DENND6B: variants seen among roughly 807,000 people sequenced by gnomAD.
DENND6B encodes the protein DENN domain containing 6B, also known as protein DENND6B.
In DENND6B, 73 loss-of-function variants were observed where a neutral mutation model predicts 85.1. That is an observed-to-expected ratio of 0.86 (90% CI 0.71 to 1.04). DENND6B has a LOEUF of 1.04. Among genes scored for constraint, DENND6B ranks in the 50% least tolerant of loss-of-function variants. The pLI is 0.00. For missense variants in DENND6B, 715 were observed against 785.8 expected, an observed-to-expected ratio of 0.91 and a Z score of 1.08; for synonymous variants, 357 against 329.3, an observed-to-expected ratio of 1.08 and a Z score of -0.91.
rs765859529 is a variant in DENND6B, at chr22:50,312,279, G to A, written c.1636-18C>T. On this transcript the variant is annotated intron_variant, in intron 19 of 19. Transcript: ENST00000413817. ...GCCCGCACCTGGAGGGGCAGCCATGGTCAGGGCAGGCGCAGCTCCGTGCCA... is the reference window on the plus strand; with the variant it reads ...GCCCGCACCTGGAGGGGCAGCCATGATCAGGGCAGGCGCAGCTCCGTGCCA... 9 of 1,611,884 alleles carry A rather than the reference G, an allele frequency of 5.6e-6. No individual in the cohort carries two copies. The highest frequency in any genetic ancestry group is 7.6e-6 in the Non-Finnish European group (9 of 1,179,536).
At position 50,313,794 on chromosome 22, in the gene DENND6B, C is replaced by T. The variant is rs1306608614; in HGVS notation, c.1203+20G>A. 1.9e-6 allele frequency: 3 copies of T among 1,611,576 alleles called. No homozygotes were observed. Among genetic ancestry groups the T allele is most frequent in the African/African-American group, 1.3e-5 (1 of 74,868 alleles). ...ACCAGGCTCCCTGCGTCCCCAGCCC[C>T]TGCCCCACAAACCATATACCTTGAG... On this transcript the variant is annotated intron_variant, in intron 14 of 19. Coordinates refer to ENST00000413817, the MANE Select transcript of DENND6B (RefSeq NM_001001794.4).
chr22:50,326,943 G>A lies in DENND6B; in HGVS notation c.46C>T (p.Leu16=). Residue 16 remains leucine (L), a synonymous_variant, in exon 1 of 20, where the codon CTG becomes TTG. Transcript: ENST00000413817. ...GTGPRRARGC[L]GAAGPTSSGR... is the part of the protein sequence containing the mutation. Reference sequence around the variant, plus strand: ...GAAGACGTGGGTCCAGCCGCGCCCAGGCAGCCGCGAGCCCGGCGAGGCCCT... The same window carrying A: ...GAAGACGTGGGTCCAGCCGCGCCCAAGCAGCCGCGAGCCCGGCGAGGCCCT... The A allele has an allele frequency of 1.6e-6, 2 of 1,289,610 alleles. No homozygotes were observed. The highest frequency in any genetic ancestry group is 4.7e-5 in the South Asian group (2 of 42,212). 79.9% of individuals were successfully genotyped at this position (1,289,610 alleles called of 1,614,324 possible). A position where few individuals can be genotyped will look rare whatever the true frequency, so the allele number is the denominator to read the frequency against.
At chr22:50,316,681 G>A in intron 5 of DENND6B, 1 of 1,493,542 alleles carries the variant, frequency 6.7e-7, no homozygotes, top group Non-Finnish European at 8.9e-7. Context: ...TGAACTCCCT[G>A]GGTGGCGGCC....
chr22:50,320,275 A>G (rs1341060351), intron 1 of DENND6B, among the ~76,000 whole-genome samples: 1 of 152,208 alleles, frequency 6.6e-6, no homozygotes, highest in Non-Finnish European at 1.5e-5. Flanking sequence ...CTGGAGCGCA[A>G]TGGCACAATC....
In DENND6B at chr22:50,313,855, G is replaced by A. The variant is rs747945924; in HGVS notation, c.1162C>T (p.His388Tyr). 2 of 1,611,428 alleles carry A rather than the reference G, an allele frequency of 1.2e-6. No homozygotes were observed. Among genetic ancestry groups the A allele is most frequent in the African/African-American group, 2.7e-5 (2 of 74,846 alleles). ...KPGLYTAYTA[H>Y]LHRDKALLKR... ...AGCAGCGCCTTGTCGCGGTGGAGGT[G>A]GGCCGTGTAAGCGGTGTAGAGGCCT... is the stretch of plus-strand genomic sequence containing the variant. The change falls in exon 14 of 20, where the codon CAC becomes TAC. Residue 388 changes from histidine to tyrosine, a missense_variant. Physicochemically the swap from His to Tyr is moderately conservative, Grantham distance 83. Coordinates refer to ENST00000413817, the MANE Select transcript of DENND6B (RefSeq NM_001001794.4).
Position 50,314,260 on chromosome 22 carries a change from TTAG to T in DENND6B, c.1082_1084del (p.Pro361_Lys362delinsGln), listed in dbSNP as rs1304727412. ...TGAAGGCTTTTTCAGCTTGACTTGCTTAGGCAGGTCTCCTACGAGACACGCCCG... is the reference window on the plus strand; with the variant it reads ...TGAAGGCTTTTTCAGCTTGACTTGCTGCAGGTCTCCTACGAGACACGCCCG... On this transcript the variant is annotated inframe_deletion, in exon 13 of 20. Coordinates refer to ENST00000413817, the MANE Select transcript of DENND6B (RefSeq NM_001001794.4). 2 of 1,609,728 alleles carry T rather than the reference TTAG, an allele frequency of 1.2e-6. No individual in the cohort carries two copies. Among genetic ancestry groups the T allele is most frequent in the Non-Finnish European group, 1.7e-6 (2 of 1,179,322 alleles).
chr22:50,316,005 A>G lies in DENND6B; in HGVS notation c.702+20T>C, dbSNP rs2041800062. 6.2e-7 allele frequency: 1 copy of G among 1,612,336 alleles called. No homozygotes were observed. ...GGTGAAGCCCAGCTGTTTCAGCTCCACCTCCGCCTCAGCTCCCACCTCTTG... is the reference window on the plus strand; with the variant it reads ...GGTGAAGCCCAGCTGTTTCAGCTCCGCCTCCGCCTCAGCTCCCACCTCTTG... On this transcript the variant is annotated intron_variant, in intron 8 of 19. Transcript: ENST00000413817.
Position 50,312,629 on chromosome 22 carries a change from T to C in DENND6B, c.1458-4A>G, listed in dbSNP as rs2068085534. The C allele has an allele frequency of 1.9e-6, 3 of 1,564,078 alleles. No homozygotes were observed. The highest frequency in any genetic ancestry group is 2.6e-6 in the Non-Finnish European group (3 of 1,155,604). On this transcript the variant is annotated splice_region_variant and splice_polypyrimidine_tract_variant and intron_variant, in intron 17 of 19. Transcript: ENST00000413817. ...ATGGGGGGACTTGAAAAACCGCCTG[T>C]GGGGATTAACAGGCGGGGGGCCATG...
rs757931915 is a variant in DENND6B, at chr22:50,316,068, A to G, written c.659T>C (p.Val220Ala). 1.9e-6 allele frequency: 3 copies of G among 1,612,584 alleles called. No homozygotes were observed. Among genetic ancestry groups the G allele is most frequent in the East Asian group, 2.2e-5 (1 of 44,882 alleles). ...VVVQVRIPSR[V>A]DKSESSPPKQ... ...CGGAGGACTGGACTCGGACTTGTCC[A>G]CCCTGGATGGGATGCGCACCTGGGA... is the stretch of plus-strand genomic sequence containing the variant. Residue 220 changes from valine to alanine, a missense_variant, in exon 8 of 20, where the codon GTG (valine) becomes GCG (alanine). Val to Ala is a moderately conservative substitution (Grantham distance 64). Transcript: ENST00000413817.
chr22:50,319,278 A>G, intron 1 of DENND6B: 1 of 985,026 alleles, frequency 1.0e-6, no homozygotes, highest in Non-Finnish European at 1.2e-6. Context: ...ACCCGCTCCT[A>G]TCTCTGACCT....
Position 50,326,880 on chromosome 22 carries a change from G to A in DENND6B, c.109C>T (p.Arg37Cys), listed in dbSNP as rs1328190217. Residue 37 changes from arginine (R) to cysteine (C), a missense_variant, in exon 1 of 20, where the codon CGC becomes TGC. Physicochemically the swap from Arg to Cys is radical, Grantham distance 180. Transcript: ENST00000413817. ...AARTPAAPWA[R>C]FSAWLECVCV... Reference sequence around the variant, plus strand: ...ACACACTCCAGCCAGGCGGAGAAGCGCGCCCAGGGCGCCGCCGGGGTCCGC... The same window carrying A: ...ACACACTCCAGCCAGGCGGAGAAGCACGCCCAGGGCGCCGCCGGGGTCCGC... The A allele has an allele frequency of 2.1e-6, 3 of 1,415,754 alleles. No individual in the cohort carries two copies. Among genetic ancestry groups the A allele is most frequent in the Non-Finnish European group, 1.8e-6 (2 of 1,085,394 alleles). The allele number at this position is 1,415,754 out of a possible 1,614,324, so 87.7% of individuals were successfully genotyped here. A position where few individuals can be genotyped will look rare whatever the true frequency, so the allele number is the denominator to read the frequency against.
chr22:50,315,598 T>G (rs2147773035), intron 9 of DENND6B, 116 bp downstream of exon 9: 2 of 1,255,896 alleles, frequency 1.6e-6, no homozygotes, highest in East Asian at 2.6e-5. Flanking sequence ...ACACGTGCAC[T>G]CACGCAGACA....
chr22:50,313,862 G>A lies in DENND6B; in HGVS notation c.1155C>T (p.Tyr385=), dbSNP rs368299324. 29 of 1,611,082 alleles carry A rather than the reference G, an allele frequency of 1.8e-5. No homozygotes were observed. The Middle Eastern group carries it at 8.2e-4, about 46-fold the overall frequency. The change falls in exon 14 of 20, where the codon TAC becomes TAT. Residue 385 remains tyrosine (Y), a synonymous_variant. Coordinates refer to ENST00000413817, the MANE Select transcript of DENND6B (RefSeq NM_001001794.4). Reference sequence around the variant, plus strand: ...CCTTGTCGCGGTGGAGGTGGGCCGTGTAAGCGGTGTAGAGGCCTGGCGGGA... The same window carrying A: ...CCTTGTCGCGGTGGAGGTGGGCCGTATAAGCGGTGTAGAGGCCTGGCGGGA... ...LDTKPGLYTA[Y]TAHLHRDKAL... is the part of the protein sequence containing the mutation.
At chr22:50,325,856 C>T (rs761954152) in intron 1 of DENND6B, among the ~76,000 whole-genome samples, 18 of 152,214 alleles carry the variant, frequency 1.2e-4, no homozygotes, top group Non-Finnish European at 2.2e-4. Flanking sequence ...AGACTATATG[C>T]TTCTCATGGC....
chr22:50,324,116 C>A (rs903172272), intron 1 of DENND6B, among the ~76,000 whole-genome samples: 23 of 152,122 alleles, frequency 1.5e-4, no homozygotes, highest in Admixed American at 5.9e-4. Context: ...CCCCACAGTC[C>A]TGCCCAGCCC....
chr22:50,314,241 C>A lies in DENND6B; in HGVS notation c.1104G>T (p.Lys368Asn). 6.2e-7 allele frequency: 1 copy of A among 1,609,374 alleles called. No homozygotes were observed. Residue 368 changes from lysine (K) to asparagine (N), a missense_variant, in exon 13 of 20, where the codon AAG becomes AAT. Physicochemically the swap from Lys to Asn is moderately conservative, Grantham distance 94 (BLOSUM62 0). Transcript: ENST00000413817. ...GDLPKQVKLKKPSRLKTLDTK... is the reference protein window; with the variant it reads ...GDLPKQVKLKNPSRLKTLDTK... ...TGTCCAGGGTCTTCAACCTTGAAGG[C>A]TTTTTCAGCTTGACTTGCTTAGGCA...
chr22:50,315,186 G>T, intron 9 of DENND6B: 1 of 492,712 alleles, frequency 2.0e-6, no homozygotes, highest in Non-Finnish European at 3.6e-6. Context: ...TCCCGAAGTG[G>T]CCCCAAAGCC....
intron 3 of DENND6B, 42 bp downstream of exon 3, chr22:50,318,805 G>T: frequency 6.2e-7 from 1 of 1,609,548 alleles, no homozygotes; most frequent in Non-Finnish European, 8.5e-7. Flanking sequence ...GGGATGCCCA[G>T]CTGGCTTCAT....
At chr22:50,312,495 G>T in intron 18 of DENND6B, 28 bp downstream of exon 18, 1 of 1,571,840 alleles carries the variant, frequency 6.4e-7, no homozygotes, top group South Asian at 1.2e-5. Context: ...CCATGTTCTG[G>T]CCCTCCCCAA....
Sources: allele counts gnomAD v4.1 joint callset (sites outside exome capture counted in the v4.1 genomes callset), GRCh38; gene constraint gnomAD v4.1.1; transcripts MANE v1.5; gene names NCBI Gene and HGNC (gene_info 2026-07-23, HGNC 2026-07-21).